The following HLTF variants were observed in gnomAD, a reference collection of about 807,000 sequenced individuals.
The protein encoded by HLTF is helicase like transcription factor, also known as DNA-dependent ATPase/E3 ubiquitin-protein ligase HLTF.
In HLTF, 127 loss-of-function variants were observed where a neutral mutation model predicts 129.4. The observed-to-expected ratio is 0.98, with a 90% confidence interval of 0.85 to 1.14. The LOEUF is 1.14. Among genes scored for constraint, HLTF ranks in the 50% most tolerant of loss-of-function variants. HLTF has a pLI of 0.00. For synonymous variants in HLTF, 332 were observed against 388.8 expected, an observed-to-expected ratio of 0.85 and a Z score of 1.72; for missense variants, 1,139 against 1,187.1, an observed-to-expected ratio of 0.96 and a Z score of 0.60.
chr3:149,056,831 C>T (rs1717476544), intron 13 of HLTF, among the ~76,000 whole-genome samples: 1 of 152,124 alleles, frequency 6.6e-6, no homozygotes, highest in African/African-American at 2.4e-5. Context: ...CAGAATGGGC[C>T]GGGCGCGGTG....
At chr3:149,069,109 C>A (rs1280296617) in intron 7 of HLTF, among the ~76,000 whole-genome samples, 3 of 152,028 alleles carry the variant, frequency 2.0e-5, no homozygotes, top group African/African-American at 4.8e-5. Flanking sequence ...GCAGTTGGCA[C>A]TAAGGTATAT....
In HLTF at chr3:149,039,907, G is replaced by A. The variant is rs946799271; in HGVS notation, c.2502+124C>T. ...ATTCACCACTAAAAATAAAAAGCCAGTGGTCAACAACAGAACACTAAAATG... is the reference window on the plus strand; with the variant it reads ...ATTCACCACTAAAAATAAAAAGCCAATGGTCAACAACAGAACACTAAAATG... On this transcript the variant is annotated intron_variant, in intron 21 of 24. Transcript: ENST00000310053. 6 of 861,464 alleles carry A rather than the reference G, an allele frequency of 7.0e-6. No homozygotes were observed. In the African/African-American group the frequency reaches 1.0e-4, roughly 15 times the overall value. The allele number at this position is 861,464 out of a possible 1,614,324, so 53.4% of individuals were successfully genotyped here. A position where few individuals can be genotyped will look rare whatever the true frequency, so the allele number is the denominator to read the frequency against.
intron 1 of HLTF, among the ~76,000 whole-genome samples, chr3:149,085,824 T>C (rs750811828): frequency 2.0e-5 from 3 of 152,180 alleles, no homozygotes; most frequent in Non-Finnish European, 4.4e-5. Context: ...TACTGGAGCA[T>C]TGCAAAAAGT....
intron 20 of HLTF, among the ~76,000 whole-genome samples, chr3:149,040,833 T>C (rs1559856665): frequency 6.6e-6 from 1 of 152,176 alleles, no homozygotes; most frequent in East Asian, 1.9e-4. Context: ...TACCTCATAA[T>C]TGACTGAGCT....
At chr3:149,035,077 T>C in intron 23 of HLTF, 79 bp from the exon 24 acceptor site, 1 of 1,018,408 alleles carries the variant, frequency 9.8e-7, no homozygotes. Context: ...ATTTCACTAG[T>C]ATTCATTCAT....
rs767961467 is a variant in HLTF, at chr3:149,064,903, A to T, written c.991-37T>A. 7.6e-6 allele frequency: 9 copies of T among 1,191,554 alleles called. No homozygotes were observed. The African/African-American group carries it at 1.4e-4, about 18-fold the overall frequency. The allele number at this position is 1,191,554 out of a possible 1,614,324, so 73.8% of individuals were successfully genotyped here. A position where few individuals can be genotyped will look rare whatever the true frequency, so the allele number is the denominator to read the frequency against. On this transcript the variant is annotated intron_variant, in intron 8 of 24. Coordinates refer to ENST00000310053, the MANE Select transcript of HLTF (RefSeq NM_003071.4). ...GGCATATTTCTTAAACAGTACTGCTATCAGTTTTAAATAACTTTAAATGCA... is the reference window on the plus strand; with the variant it reads ...GGCATATTTCTTAAACAGTACTGCTTTCAGTTTTAAATAACTTTAAATGCA...
chr3:149,039,514 T>G, intron 22 of HLTF, 67 bp downstream of exon 22: 1 of 753,544 alleles, frequency 1.3e-6, no homozygotes, highest in Non-Finnish European at 2.1e-6. Flanking sequence ...TTTTTTTTTT[T>G]GCTATCCAAA....
chr3:149,037,706 C>T (rs1715774639), intron 23 of HLTF, among the ~76,000 whole-genome samples: 1 of 152,160 alleles, frequency 6.6e-6, no homozygotes, highest in Admixed American at 6.5e-5. Flanking sequence ...AGAATTCCTA[C>T]ATGTTAAAAA....
intron 14 of HLTF, among the ~76,000 whole-genome samples, chr3:149,052,386 G>T (rs927314831): frequency 6.6e-6 from 1 of 151,924 alleles, no homozygotes; most frequent in Non-Finnish European, 1.5e-5. Flanking sequence ...TAAAGGCCTG[G>T]GATCCAAAGA....
At chr3:149,052,620 A>G (rs1717089835) in intron 14 of HLTF, among the ~76,000 whole-genome samples, 2 of 152,232 alleles carry the variant, frequency 1.3e-5, no homozygotes, top group Admixed American at 6.5e-5. Context: ...AGTGGAAGCA[A>G]AAACCAGACT....
At chr3:149,086,057 G>A (rs1254454615) in intron 1 of HLTF, among the ~76,000 whole-genome samples, 1 of 152,044 alleles carries the variant, frequency 6.6e-6, no homozygotes, top group Non-Finnish European at 1.5e-5. Flanking sequence ...AGCACTGGCC[G>A]AGATGCTTTA....
In HLTF at chr3:149,032,113, C is replaced by T; in HGVS notation, c.*107G>A. 1.3e-6 allele frequency: 1 copy of T among 752,278 alleles called. No individual in the cohort carries two copies. The highest frequency in any genetic ancestry group is 2.0e-6 in the Non-Finnish European group (1 of 498,972). The allele number at this position is 752,278 out of a possible 1,614,324, so 46.6% of individuals were successfully genotyped here. On this transcript the variant is annotated 3_prime_UTR_variant, in exon 25 of 25. Coordinates refer to ENST00000310053, the MANE Select transcript of HLTF (RefSeq NM_003071.4). ...ACCTCTTCACTAATATAAAATATGC[C>T]CCTTTTAGAAGACGTGTTCTCTAGA...
intron 13 of HLTF, chr3:149,059,253 G>A (rs1239214729): frequency 7.9e-6 from 2 of 253,778 alleles, no homozygotes; most frequent in Non-Finnish European, 1.6e-5. Flanking sequence ...CTCAACCTTA[G>A]TTCAATCTCT....
rs140913707 is a variant in HLTF, at chr3:149,080,585, G to C, written c.228+4097C>G. Among the ~76,000 whole-genome samples the C allele has an allele frequency of 7.2e-3, 1,097 of 152,050 alleles. 9 individuals are homozygous for C. The highest frequency in any genetic ancestry group is 9.5e-3 in the Non-Finnish European group (648 of 67,988). ...TTTAAACCGGATTATGCAAATCCTA[G>C]AAAATACATAACCAAAATAAAAAAG... On this transcript the variant is annotated intron_variant, in intron 2 of 24. Transcript: ENST00000310053.
chr3:149,078,035 C>T (rs1719533939), intron 2 of HLTF, among the ~76,000 whole-genome samples: 1 of 152,016 alleles, frequency 6.6e-6, no homozygotes, highest in African/African-American at 2.4e-5. Flanking sequence ...CAAACACACA[C>T]TAATTACAAA....
intron 14 of HLTF, among the ~76,000 whole-genome samples, chr3:149,051,889 T>A (rs1717029840): frequency 6.6e-6 from 1 of 150,678 alleles, no homozygotes; most frequent in Non-Finnish European, 1.5e-5. Context: ...CCGGGTGCAG[T>A]GGCTCACACC....
chr3:149,067,678 T>C (rs1036677532), intron 8 of HLTF, among the ~76,000 whole-genome samples: 4 of 151,330 alleles, frequency 2.6e-5, no homozygotes, highest in African/African-American at 9.7e-5. Context: ...TTTAAAACAA[T>C]GTTGAGGGAA....
At position 149,039,125 on chromosome 3, in the gene HLTF, A is replaced by G; in HGVS notation, c.2720T>C (p.Ile907Thr). The G allele has an allele frequency of 6.2e-7, 1 of 1,612,782 alleles. No homozygotes were observed. The highest frequency in any genetic ancestry group is 8.5e-7 in the Non-Finnish European group (1 of 1,179,408). Reference sequence around the variant, plus strand: ...ACCTGCTTTTAAGGACAGAAGCATTATAGTTGGAGATCCTGCTTCAGTGTT... The same window carrying G: ...ACCTGCTTTTAAGGACAGAAGCATTGTAGTTGGAGATCCTGCTTCAGTGTT... ...FQNTEAGSPTIMLLSLKAGGV... is the reference protein window; with the variant it reads ...FQNTEAGSPTTMLLSLKAGGV... The change falls in exon 23 of 25, where the codon ATA becomes ACA. Residue 907 changes from isoleucine to threonine, a missense_variant. Coordinates refer to ENST00000310053, the MANE Select transcript of HLTF (RefSeq NM_003071.4).
chr3:149,068,879 T>C (rs1446526483), intron 7 of HLTF, among the ~76,000 whole-genome samples: 3 of 152,206 alleles, frequency 2.0e-5, no homozygotes, highest in Non-Finnish European at 4.4e-5. Context: ...TTAGTAAATC[T>C]CTGGCAATTT....
Sources: allele counts gnomAD v4.1 joint callset (sites outside exome capture counted in the v4.1 genomes callset), GRCh38; gene constraint gnomAD v4.1.1; transcripts MANE v1.5; gene names NCBI Gene and HGNC (gene_info 2026-07-23, HGNC 2026-07-21).